Variants in FAM13A observed in about 807,000 individuals in gnomAD.
The protein encoded by FAM13A is family with sequence similarity 13 member A.
In FAM13A, 76 loss-of-function variants were observed where a neutral mutation model predicts 129.6. The ratio of observed to expected loss-of-function variants is 0.59; its 90% CI spans 0.49 to 0.71. FAM13A has a LOEUF of 0.71. Ranked by LOEUF, FAM13A falls within the 30% of genes least tolerant of loss-of-function variation. The pLI is 0.00. For missense variants in FAM13A, 1,108 were observed against 1,249.3 expected (o/e 0.89, Z 1.70); for synonymous variants, 443 against 449.9 (o/e 0.98, Z 0.20).
intron 6 of FAM13A, among the ~76,000 whole-genome samples, chr4:88,888,988 T>C (rs962526895): frequency 5.5e-5 from 8 of 145,214 alleles, no homozygotes; most frequent in African/African-American, 1.8e-4. Flanking sequence ...TCATGAACAG[T>C]AGGAAAGCTG....
At chr4:88,742,445 T>C (rs1740455858) in intron 19 of FAM13A, among the ~76,000 whole-genome samples, 1 of 152,220 alleles carries the variant, frequency 6.6e-6, no homozygotes, top group South Asian at 2.1e-4. Context: ...TTAAAACTCA[T>C]GATTCCACAA....
intron 11 of FAM13A, among the ~76,000 whole-genome samples, chr4:88,774,608 T>C (rs1469362019): frequency 1.3e-5 from 2 of 152,192 alleles, no homozygotes; most frequent in Non-Finnish European, 2.9e-5. Context: ...ACAATTGTTT[T>C]GTAGCAGCAG....
chr4:89,020,395 G>A lies in FAM13A; in HGVS notation c.427+65C>T, dbSNP rs1254182401. On this transcript the variant is annotated intron_variant, in intron 3 of 23. Coordinates refer to ENST00000264344, the MANE Select transcript of FAM13A (RefSeq NM_014883.4). ...GCCTCCCAAAGTGTTGGGATTATAG[G>A]TGTGGGCCACCGTGCCCAGCCTAGT... is the stretch of plus-strand genomic sequence containing the variant. 2.4e-5 allele frequency: 28 copies of A among 1,190,122 alleles called. 1 individual carries two copies. In the Admixed American group the frequency reaches 3.4e-4, roughly 14 times the overall value. 73.7% of individuals were successfully genotyped at this position (1,190,122 alleles called of 1,614,324 possible). A position where few individuals can be genotyped will look rare whatever the true frequency, so the allele number is the denominator to read the frequency against.
At chr4:89,018,080 G>A (rs1260220839) in intron 3 of FAM13A, among the ~76,000 whole-genome samples, 1 of 152,070 alleles carries the variant, frequency 6.6e-6, no homozygotes, top group African/African-American at 2.4e-5. Context: ...TAAAACTTCT[G>A]GGATTTTTCC....
chr4:88,935,584 T>G (rs1342936473), intron 5 of FAM13A, among the ~76,000 whole-genome samples: 1 of 152,174 alleles, frequency 6.6e-6, no homozygotes, highest in East Asian at 1.9e-4. Flanking sequence ...TTTCTTTAAT[T>G]ACCTTCTCAT....
At chr4:89,047,088 G>A (rs1412414665) in intron 1 of FAM13A, among the ~76,000 whole-genome samples, 1 of 152,164 alleles carries the variant, frequency 6.6e-6, no homozygotes, top group Non-Finnish European at 1.5e-5. Flanking sequence ...GGAAGGGCAA[G>A]TAACAGTGAG....
intron 19 of FAM13A, among the ~76,000 whole-genome samples, chr4:88,742,310 T>A (rs1202667315): frequency 6.6e-6 from 1 of 152,242 alleles, no homozygotes; most frequent in Non-Finnish European, 1.5e-5. Context: ...ACTGGCTTAA[T>A]TCTTTGGCTC....
intron 11 of FAM13A, among the ~76,000 whole-genome samples, chr4:88,776,749 C>G (rs1359526534): frequency 6.6e-6 from 1 of 151,958 alleles, no homozygotes; most frequent in Non-Finnish European, 1.5e-5. Flanking sequence ...CCGAGGGGGG[C>G]AGATCAGTTG....
intron 6 of FAM13A, among the ~76,000 whole-genome samples, chr4:88,852,348 G>C (rs943049610): frequency 9.2e-5 from 14 of 151,986 alleles, no homozygotes; most frequent in Admixed American, 5.2e-4. Flanking sequence ...TTTTTGTAGG[G>C]ATGTGGTTTC....
intron 1 of FAM13A, among the ~76,000 whole-genome samples, chr4:89,044,256 G>A (rs1028709074): frequency 6.6e-6 from 1 of 152,074 alleles, no homozygotes; most frequent in Non-Finnish European, 1.5e-5. Flanking sequence ...GTTCGAAAAT[G>A]AACAAAGGAC....
intron 2 of FAM13A, among the ~76,000 whole-genome samples, chr4:89,024,359 G>A (rs1767658760): frequency 6.6e-6 from 1 of 152,056 alleles, no homozygotes; most frequent in African/African-American, 2.4e-5. Flanking sequence ...TTGTCAGCGA[G>A]AAAAAGAGTT....
chr4:88,828,204 C>G (rs554122740), intron 7 of FAM13A, among the ~76,000 whole-genome samples: 1 of 152,274 alleles, frequency 6.6e-6, no homozygotes, highest in Non-Finnish European at 1.5e-5. Context: ...TGGCAGGCAC[C>G]ATCACAACTC....
chr4:88,754,724 A>G (rs1743287986), intron 14 of FAM13A, among the ~76,000 whole-genome samples: 1 of 152,244 alleles, frequency 6.6e-6, no homozygotes, highest in Non-Finnish European at 1.5e-5. Flanking sequence ...AAATTGTTCA[A>G]TTAGTCTTGT....
intron 7 of FAM13A, among the ~76,000 whole-genome samples, chr4:88,849,826 G>A (rs1057379543): frequency 7.2e-5 from 11 of 152,104 alleles, no homozygotes; most frequent in Non-Finnish European, 1.5e-4. Context: ...CATGAACCAG[G>A]CATTCAAGGT....
At chr4:88,999,804 CACGGCTTG>C (rs1306053844) in intron 3 of FAM13A, among the ~76,000 whole-genome samples, 1 of 152,170 alleles carries the variant, frequency 6.6e-6, no homozygotes, top group African/African-American at 2.4e-5. Flanking sequence ...GTGTTCAAAA[CACGGCTTG>C]ACAGAGTTAG....
chr4:89,003,103 C>T (rs1344168530), intron 3 of FAM13A, among the ~76,000 whole-genome samples: 4 of 151,866 alleles, frequency 2.6e-5, no homozygotes, highest in African/African-American at 9.7e-5. Flanking sequence ...AGAAAAAAGA[C>T]TCCAGGAAAT....
intron 5 of FAM13A, among the ~76,000 whole-genome samples, chr4:88,935,731 C>T (rs1350570342): frequency 1.3e-5 from 2 of 152,108 alleles, no homozygotes; most frequent in Admixed American, 6.6e-5. Context: ...TAAGCATTGT[C>T]AATGTTTACA....
At chr4:88,831,780 G>A (rs1169151742) in intron 7 of FAM13A, among the ~76,000 whole-genome samples, 2 of 152,116 alleles carry the variant, frequency 1.3e-5, no homozygotes, top group East Asian at 3.8e-4. Context: ...TCATGTTCAT[G>A]GATAGGAAGA....
At position 88,961,490 on chromosome 4, in the gene FAM13A, C is replaced by G. The variant is rs558345431; in HGVS notation, c.606-23249G>C. Among the ~76,000 whole-genome samples, 38 of 151,264 alleles carry G rather than the reference C, an allele frequency of 2.5e-4. No homozygotes were observed. The South Asian group carries it at 7.9e-3, about 32-fold the overall frequency. On this transcript the variant is annotated intron_variant, in intron 4 of 23. Coordinates refer to ENST00000264344, the MANE Select transcript of FAM13A (RefSeq NM_014883.4). ...TCAAGCAATTCTCCTACCTCAGCCTCCCAAGCAGCTAGGACTACAGGCGTG... is the reference window on the plus strand; with the variant it reads ...TCAAGCAATTCTCCTACCTCAGCCTGCCAAGCAGCTAGGACTACAGGCGTG...
Sources: gnomAD v4.1 joint callset for allele counts (sites outside exome capture counted in the v4.1 genomes callset) on GRCh38, gnomAD v4.1.1 for gene constraint, MANE v1.5 for transcripts, NCBI Gene and HGNC (gene_info 2026-07-23, HGNC 2026-07-21) for gene names.